The following MCTP1 variants were observed in gnomAD, a reference collection of about 807,000 sequenced individuals.
The protein encoded by MCTP1 is multiple C2 and transmembrane domain containing 1.
In MCTP1, 69 loss-of-function variants were observed where a neutral mutation model predicts 120.6. The ratio of observed to expected loss-of-function variants is 0.57; its 90% CI spans 0.47 to 0.70. The LOEUF (loss-of-function observed/expected upper bound fraction) is 0.70, where lower values mean the gene tolerates loss of function less well. Ranked by LOEUF, MCTP1 falls within the 30% of genes least tolerant of loss-of-function variation. The pLI, the probability that MCTP1 is intolerant of heterozygous loss-of-function variation, is 0.00. For missense variants in MCTP1, 1,203 were observed against 1,248.8 expected (o/e 0.96, Z 0.55); for synonymous variants, 529 against 493.1 (o/e 1.07, Z -0.96).
At chr5:94,835,494 G>A (rs545740110) in intron 17 of MCTP1, among the ~76,000 whole-genome samples, 18 of 152,308 alleles carry the variant, frequency 1.2e-4, no homozygotes, top group African/African-American at 3.4e-4. Context: ...GTGACTTAAC[G>A]TCTCTGGGCT....
intron 17 of MCTP1, among the ~76,000 whole-genome samples, chr5:94,846,731 C>G (rs190006480): frequency 1.3e-5 from 2 of 152,024 alleles, no homozygotes; most frequent in Non-Finnish European, 2.9e-5. Flanking sequence ...CCAATTAAAC[C>G]GGAATCATTG....
chr5:95,146,858 G>A (rs544592544), intron 1 of MCTP1, among the ~76,000 whole-genome samples: 1 of 152,220 alleles, frequency 6.6e-6, no homozygotes, highest in South Asian at 2.1e-4. Flanking sequence ...TTTTGTGGTT[G>A]TTGGGTGCAG....
intron 17 of MCTP1, among the ~76,000 whole-genome samples, chr5:94,817,079 C>T (rs1784608743): frequency 6.6e-6 from 1 of 152,120 alleles, no homozygotes; most frequent in South Asian, 2.1e-4. Flanking sequence ...CATCTCAAAC[C>T]TTCAAGACTC....
At chr5:94,963,766 T>C (rs1647052580) in intron 2 of MCTP1, among the ~76,000 whole-genome samples, 1 of 152,164 alleles carries the variant, frequency 6.6e-6, no homozygotes, top group Admixed American at 6.5e-5. Flanking sequence ...CATAGATTGC[T>C]TTTTTATTTT....
intron 1 of MCTP1, among the ~76,000 whole-genome samples, chr5:95,145,221 G>T (rs144160876): frequency 6.6e-6 from 1 of 152,092 alleles, no homozygotes; most frequent in Non-Finnish European, 1.5e-5. Flanking sequence ...GTATAGAAAT[G>T]TTACTGATTT....
chr5:94,713,660 G>A (rs78245368), intron 20 of MCTP1, among the ~76,000 whole-genome samples: 1,831 of 152,226 alleles, frequency 0.012, 41 homozygotes, highest in African/African-American at 0.043. Context: ...AAAAGATACG[G>A]GAATAGTCTT....
At chr5:95,223,564 ATTATAATTG>A (rs1328094831) in intron 1 of MCTP1, among the ~76,000 whole-genome samples, 2 of 152,250 alleles carry the variant, frequency 1.3e-5, no homozygotes, top group Non-Finnish European at 2.9e-5. Context: ...GCTCATGGTC[ATTATAATTG>A]TTAACCAGGA....
At chr5:94,800,493 C>T (rs1477673792) in intron 17 of MCTP1, among the ~76,000 whole-genome samples, 1 of 152,076 alleles carries the variant, frequency 6.6e-6, no homozygotes, top group Admixed American at 6.5e-5. Context: ...AGCCTACAGC[C>T]TATTTAAATG....
At chr5:94,958,495 G>C (rs530366524) in intron 2 of MCTP1, among the ~76,000 whole-genome samples, 2 of 152,174 alleles carry the variant, frequency 1.3e-5, no homozygotes, top group South Asian at 4.2e-4. Context: ...TTTTTGAAAA[G>C]ATTAACAAAA....
In MCTP1 at chr5:95,113,813, A is replaced by G. The variant is rs116342651; in HGVS notation, c.721-96329T>C. Among the ~76,000 whole-genome samples, 685 of 152,292 alleles carry G rather than the reference A, an allele frequency of 4.5e-3. 6 individuals are homozygous for G. The highest frequency in any genetic ancestry group is 0.016 in the African/African-American group (647 of 41,570). On this transcript the variant is annotated intron_variant, in intron 1 of 22. Transcript: ENST00000515393. ...TCCTGAGACACGAGCCAGGGTAGCT[A>G]AGGGAGTGCTTGTTCCACCTCTCCA...
At chr5:95,213,120 G>A (rs568563688) in intron 1 of MCTP1, among the ~76,000 whole-genome samples, 16 of 152,212 alleles carry the variant, frequency 1.1e-4, no homozygotes, top group African/African-American at 1.4e-4. Context: ...AAACCCCATC[G>A]TCTCAGCCCA....
chr5:94,736,474 C>T (rs896661377), intron 19 of MCTP1, among the ~76,000 whole-genome samples: 2 of 152,054 alleles, frequency 1.3e-5, no homozygotes, highest in Admixed American at 6.5e-5. Context: ...CAGAGCAAGA[C>T]CCTGTCTCAA....
chr5:95,042,232 G>A (rs1842474853), intron 1 of MCTP1, among the ~76,000 whole-genome samples: 1 of 152,144 alleles, frequency 6.6e-6, no homozygotes, highest in South Asian at 2.1e-4. Context: ...AAAGCAAATA[G>A]TATTAGGCAT....
chr5:95,111,735 A>G (rs1180761992), intron 1 of MCTP1, among the ~76,000 whole-genome samples: 1 of 152,160 alleles, frequency 6.6e-6, no homozygotes, highest in Non-Finnish European at 1.5e-5. Flanking sequence ...TCAGTGAAAT[A>G]TATTTTTTTC....
At chr5:94,867,056 T>C in intron 17 of MCTP1, 1 of 369,508 alleles carries the variant, frequency 2.7e-6, no homozygotes, top group Non-Finnish European at 4.5e-6. Flanking sequence ...GAAGTAATAG[T>C]CTAAAATAGA....
At chr5:94,807,652 A>G (rs1318141293) in intron 17 of MCTP1, among the ~76,000 whole-genome samples, 1 of 152,160 alleles carries the variant, frequency 6.6e-6, no homozygotes, top group Non-Finnish European at 1.5e-5. Context: ...TTTCCTCCCT[A>G]GGGCACATTT....
At chr5:94,922,521 T>C (rs563925421) in intron 7 of MCTP1, among the ~76,000 whole-genome samples, 88 of 149,960 alleles carry the variant, frequency 5.9e-4, no homozygotes, top group African/African-American at 2.1e-3. Context: ...GGAGTTTTGC[T>C]CTTTTTGCCC....
At chr5:95,061,732 G>A (rs112320750) in intron 1 of MCTP1, among the ~76,000 whole-genome samples, 14,871 of 152,066 alleles carry the variant, frequency 0.098, 965 homozygotes, top group African/African-American at 0.19. Flanking sequence ...ACCGCGCCCG[G>A]CCAAGGGTTG....
At chr5:94,990,811 C>T (rs1831396666) in intron 2 of MCTP1, among the ~76,000 whole-genome samples, 1 of 152,156 alleles carries the variant, frequency 6.6e-6, no homozygotes, top group South Asian at 2.1e-4. Flanking sequence ...ATCCAATTTT[C>T]CAGACCTCAA....
Sources: allele counts gnomAD v4.1 joint callset (sites outside exome capture counted in the v4.1 genomes callset), GRCh38; gene constraint gnomAD v4.1.1; transcripts MANE v1.5; gene names NCBI Gene and HGNC (gene_info 2026-07-23, HGNC 2026-07-21).